The following MXI1 variants were observed in gnomAD, a reference collection of about 807,000 sequenced individuals.
MXI1 encodes max-interacting protein 1.
A neutral mutation model predicts 36.9 loss-of-function variants in MXI1; 18 were observed. The observed-to-expected ratio is 0.49, with a 90% CI of 0.34 to 0.72. The LOEUF (loss-of-function observed/expected upper bound fraction) is 0.72. Among genes scored for constraint, MXI1 ranks in the 30% least tolerant of loss-of-function variants. The pLI is 0.01. For missense variants in MXI1, 304 were observed against 379.1 expected, an observed-to-expected ratio of 0.80 and a Z score of 1.64; for synonymous variants, 160 against 146.7, an observed-to-expected ratio of 1.09 and a Z score of -0.65.
At chr10:110,272,523 A>G (rs1856887084) in intron 3 of MXI1, among the ~76,000 whole-genome samples, 3 of 152,152 alleles carry the variant, frequency 2.0e-5, no homozygotes, top group Admixed American at 2.0e-4. Context: ...GAATACCTCT[A>G]GAGGTATATA....
At chr10:110,250,829 CAAAAAA>C (rs113320766) in intron 3 of MXI1, among the ~76,000 whole-genome samples, 1 of 101,692 alleles carries the variant, frequency 9.8e-6, no homozygotes, top group South Asian at 3.0e-4. Flanking sequence ...AAGACTTTGT[CAAAAAA>C]AAAAAAAAAA....
intron 1 of MXI1, among the ~76,000 whole-genome samples, chr10:110,224,928 G>A (rs746208636): frequency 7.2e-5 from 11 of 152,150 alleles, no homozygotes; most frequent in South Asian, 2.1e-4. Context: ...GATTACAGGC[G>A]TGAGCCACTG....
chr10:110,262,491 T>C (rs1459339889), intron 3 of MXI1, among the ~76,000 whole-genome samples: 1 of 152,146 alleles, frequency 6.6e-6, no homozygotes, highest in Non-Finnish European at 1.5e-5. Context: ...GGATACACTT[T>C]TGTTACTTCT....
intron 1 of MXI1, 27 bp from the exon 2 acceptor site, chr10:110,228,162 C>A: frequency 6.2e-7 from 1 of 1,612,444 alleles, no homozygotes; most frequent in Non-Finnish European, 8.5e-7. Context: ...TTCTTCTTAC[C>A]GTATCTTTTT....
intron 3 of MXI1, among the ~76,000 whole-genome samples, chr10:110,265,260 C>CT (rs750042739): frequency 6.6e-6 from 1 of 152,204 alleles, no homozygotes; most frequent in Non-Finnish European, 1.5e-5. Flanking sequence ...GCTCCTCTCT[C>CT]TGACTCTTCT....
chr10:110,260,468 C>T (rs1255706576), intron 3 of MXI1, among the ~76,000 whole-genome samples: 3 of 147,732 alleles, frequency 2.0e-5, no homozygotes, highest in Non-Finnish European at 4.5e-5. Flanking sequence ...TATACGCCCA[C>T]AGATATATAC....
chr10:110,273,041 C>CTTTTTTT (rs771024820), intron 3 of MXI1, among the ~76,000 whole-genome samples: 4 of 110,878 alleles, frequency 3.6e-5, no homozygotes, highest in East Asian at 2.9e-4. Context: ...GCTTGTTTAG[C>CTTTTTTT]TTTTTTTTTT....
intron 1 of MXI1, among the ~76,000 whole-genome samples, chr10:110,215,528 G>T (rs527349270): frequency 6.6e-6 from 1 of 152,278 alleles, no homozygotes; most frequent in East Asian, 1.9e-4. Context: ...CCTCCTACCT[G>T]ATACGAGAAT....
chr10:110,262,530 C>G (rs1045059175), intron 3 of MXI1, among the ~76,000 whole-genome samples: 4 of 152,020 alleles, frequency 2.6e-5, no homozygotes, highest in Non-Finnish European at 5.9e-5. Flanking sequence ...CAAGGGGAAA[C>G]GATCATGTTG....
intron 2 of MXI1, among the ~76,000 whole-genome samples, chr10:110,230,038 C>T (rs953628470): frequency 6.6e-6 from 1 of 152,128 alleles, no homozygotes; most frequent in Non-Finnish European, 1.5e-5. Flanking sequence ...ACCAAGGTCC[C>T]TCCTTCTCCT....
Position 110,207,784 on chromosome 10 carries a change from G to T in MXI1, c.-25G>T. 3.5e-6 allele frequency: 4 copies of T among 1,129,836 alleles called. No individual in the cohort carries two copies. The highest frequency in any genetic ancestry group is 4.3e-6 in the Non-Finnish European group (4 of 920,268). 70.0% of individuals were successfully genotyped at this position (1,129,836 alleles called of 1,614,324 possible). A position where few individuals can be genotyped will look rare whatever the true frequency, so the allele number is the denominator to read the frequency against. ...GGGCCGCGCAGCCCCGTTAGAGGAC[G>T]AGCTCGGCGGACCCCCGCTCCTCCA... On this transcript the variant is annotated 5_prime_UTR_variant, in exon 1 of 6. Transcript: ENST00000332674.
At chr10:110,279,329 C>T (rs1857151666) in intron 4 of MXI1, 35 bp downstream of exon 4, 1 of 1,554,536 alleles carries the variant, frequency 6.4e-7, no homozygotes, top group South Asian at 1.1e-5. Context: ...GCACAATTCC[C>T]TCAGTTCTGG....
intron 3 of MXI1, among the ~76,000 whole-genome samples, chr10:110,246,789 C>T (rs1471631045): frequency 1.3e-5 from 2 of 151,364 alleles, no homozygotes; most frequent in Non-Finnish European, 3.0e-5. Context: ...GAAACTCCTT[C>T]GTTTTAAAGA....
At chr10:110,280,739 G>A (rs1857217888) in intron 5 of MXI1, among the ~76,000 whole-genome samples, 1 of 151,782 alleles carries the variant, frequency 6.6e-6, no homozygotes, top group Non-Finnish European at 1.5e-5. Flanking sequence ...GTGTCAGGAA[G>A]ATACACGATG....
At chr10:110,273,023 T>A (rs978624780) in intron 3 of MXI1, among the ~76,000 whole-genome samples, 17 of 150,648 alleles carry the variant, frequency 1.1e-4, no homozygotes, top group Non-Finnish European at 2.2e-4. Context: ...TGCCATTTTG[T>A]AGAAATAGCT....
At chr10:110,256,014 C>T (rs1856277180) in intron 3 of MXI1, among the ~76,000 whole-genome samples, 1 of 152,090 alleles carries the variant, frequency 6.6e-6, no homozygotes, top group South Asian at 2.1e-4. Flanking sequence ...AATAATTTCT[C>T]ACATTTATGG....
At chr10:110,226,109 C>G (rs1854957885) in intron 1 of MXI1, 1 of 1,193,914 alleles carries the variant, frequency 8.4e-7, no homozygotes. Flanking sequence ...GCCCGCCCGT[C>G]GCACATGTTC....
chr10:110,242,541 C>T (rs573402392), intron 2 of MXI1, among the ~76,000 whole-genome samples: 10 of 151,922 alleles, frequency 6.6e-5, no homozygotes, highest in Admixed American at 3.9e-4. Flanking sequence ...CTAAATTTTG[C>T]TGGTGGTATA....
At chr10:110,276,623 T>TTA (rs1857039366) in intron 3 of MXI1, among the ~76,000 whole-genome samples, 1 of 152,022 alleles carries the variant, frequency 6.6e-6, no homozygotes, top group Non-Finnish European at 1.5e-5. Context: ...ATTTTTTTTT[T>TTA]ACTTTTCCTT....
Sources: allele counts gnomAD v4.1 joint callset (sites outside exome capture counted in the v4.1 genomes callset), GRCh38; gene constraint gnomAD v4.1.1; transcripts MANE v1.5; gene names NCBI Gene and HGNC (gene_info 2026-07-23, HGNC 2026-07-21).